GDPD5: variants seen among roughly 807,000 people sequenced by gnomAD.
GDPD5 encodes glycerophosphodiester phosphodiesterase domain containing 5.
GDPD5 carries 48 observed loss-of-function variants against 75.1 expected under a neutral mutation model. The ratio of observed to expected loss-of-function variants is 0.64; its 90% CI spans 0.51 to 0.81. GDPD5 has a LOEUF of 0.81. GDPD5 is among the 40% of genes least tolerant of loss of function. The probability of loss-of-function intolerance (pLI) is 0.00; values close to 1 mark genes in which losing one functional copy is unlikely to be tolerated. For synonymous variants in GDPD5, 336 were observed against 339.0 expected (o/e 0.99, Z 0.10); for missense variants, 706 against 822.6 (o/e 0.86, Z 1.73).
At chr11:75,439,124 G>A (rs1454160128) in intron 15 of GDPD5, among the ~76,000 whole-genome samples, 2 of 152,212 alleles carry the variant, frequency 1.3e-5, no homozygotes, top group African/African-American at 2.4e-5. Flanking sequence ...AGAAACGGCC[G>A]TGGGAACAGG....
chr11:75,524,736 T>C (rs1237214511), intron 1 of GDPD5, among the ~76,000 whole-genome samples: 4 of 152,186 alleles, frequency 2.6e-5, no homozygotes, highest in Non-Finnish European at 5.9e-5. Context: ...GCTTTGGAAC[T>C]GGGAAGCTTC....
chr11:75,469,500 C>G (rs1949608793), intron 3 of GDPD5, among the ~76,000 whole-genome samples: 1 of 152,228 alleles, frequency 6.6e-6, no homozygotes, highest in African/African-American at 2.4e-5. Flanking sequence ...GTGTCCCCAG[C>G]TGTCTCGGGG....
At chr11:75,513,429 G>T (rs778164547) in intron 1 of GDPD5, among the ~76,000 whole-genome samples, 2 of 152,000 alleles carry the variant, frequency 1.3e-5, no homozygotes, top group Non-Finnish European at 2.9e-5. Context: ...GAGCCGGTGG[G>T]AGTCAGGGTG....
intron 6 of GDPD5, chr11:75,455,097 C>T (rs1296283951): frequency 1.3e-5 from 4 of 313,004 alleles, no homozygotes; most frequent in East Asian, 1.6e-4. Flanking sequence ...TGGGAGCTGG[C>T]ACCAGCATGG....
intron 6 of GDPD5, among the ~76,000 whole-genome samples, chr11:75,452,550 C>T (rs1949188743): frequency 6.6e-6 from 1 of 152,176 alleles, no homozygotes; most frequent in Non-Finnish European, 1.5e-5. Flanking sequence ...GTGGTCAGCA[C>T]CCAATAAAGG....
rs77111590 is a variant in GDPD5, at chr11:75,466,243, C to A, written c.118-3354G>T. 3.8e-3 allele frequency among the ~76,000 whole-genome samples: 579 copies of A among 152,206 alleles called. 3 individuals carry two copies. The highest frequency in any genetic ancestry group is 0.013 in the African/African-American group (556 of 41,520). On this transcript the variant is annotated intron_variant, in intron 3 of 16. Coordinates refer to ENST00000336898, the MANE Select transcript of GDPD5 (RefSeq NM_030792.8). ...GGATTAAAGCCCTGGGAGCTGAAGC[C>A]GGAGGCCACAGTGAGCCTGTAGATG...
intron 10 of GDPD5, among the ~76,000 whole-genome samples, chr11:75,443,606 G>A (rs1307589138): frequency 6.6e-6 from 1 of 152,216 alleles, no homozygotes; most frequent in Non-Finnish European, 1.5e-5. Flanking sequence ...TGGAGAAACT[G>A]AGGCTGAGAG....
intron 6 of GDPD5, 64 bp from the exon 7 acceptor site, chr11:75,450,047 A>C: frequency 7.4e-7 from 1 of 1,356,684 alleles, no homozygotes; most frequent in Non-Finnish European, 1.0e-6. Flanking sequence ...AGTGTGTCTG[A>C]GAGAGGAGCC....
At chr11:75,441,569 T>TGTGTG in intron 13 of GDPD5, 77 bp downstream of exon 13, 3 of 1,190,018 alleles carry the variant, frequency 2.5e-6, no homozygotes, top group Admixed American at 2.2e-5. Flanking sequence ...TGTGTGTGTG[T>TGTGTG]TGGGGGGTGG....
At chr11:75,462,366 C>G (rs1021565345) in intron 4 of GDPD5, among the ~76,000 whole-genome samples, 1 of 152,146 alleles carries the variant, frequency 6.6e-6, no homozygotes. Context: ...AATGCAAGCA[C>G]CAAGGGGTCT....
chr11:75,499,306 T>C lies in GDPD5; in HGVS notation c.-144-8986A>G, dbSNP rs145269162. 3.9e-3 allele frequency among the ~76,000 whole-genome samples: 590 copies of C among 152,086 alleles called. 1 individual carries two copies. Among genetic ancestry groups the C allele is most frequent in the African/African-American group, 0.013 (534 of 41,484 alleles). ...ACCCCTTTGTCCACAGCCATCATCATCTGAGCTGGTTTATACCCCCAAATG... is the reference window on the plus strand; with the variant it reads ...ACCCCTTTGTCCACAGCCATCATCACCTGAGCTGGTTTATACCCCCAAATG... On this transcript the variant is annotated intron_variant, in intron 1 of 16. Transcript: ENST00000336898.
intron 1 of GDPD5, among the ~76,000 whole-genome samples, chr11:75,519,020 T>G (rs555107215): frequency 8.3e-4 from 126 of 152,200 alleles, no homozygotes; most frequent in African/African-American, 2.7e-3. Context: ...TGCAGGAGAT[T>G]TGGTCACAAG....
chr11:75,448,828 C>G, intron 9 of GDPD5, 149 bp downstream of exon 9: 3 of 1,165,034 alleles, frequency 2.6e-6, no homozygotes, highest in Non-Finnish European at 3.4e-6. Context: ...CATCCCAGCA[C>G]TCCCGGCCTT....
Position 75,449,042 on chromosome 11 carries a change from A to G in GDPD5, c.649T>C (p.Cys217Arg). The change falls in exon 9 of 17, where the codon TGC (cysteine) becomes CGC (arginine). Residue 217 changes from cysteine (C) to arginine (R), a missense_variant. Physicochemically the swap from Cys to Arg is radical, Grantham distance 180. Transcript: ENST00000336898. The part of the protein sequence containing the change: ...YLAPLTISSP[C>R]IMEKKDLGPK... ...CCGAGGTCTTTCTTCTCCATGATGC[A>G]GGGAGAGGAGATGGTGAGAGGGGCC... 2 of 1,607,614 alleles carry G rather than the reference A, an allele frequency of 1.2e-6. No individual in the cohort carries two copies. The highest frequency in any genetic ancestry group is 2.2e-5 in the East Asian group (1 of 44,650).
At chr11:75,483,823 G>A (rs953035166) in intron 2 of GDPD5, among the ~76,000 whole-genome samples, 3 of 152,222 alleles carry the variant, frequency 2.0e-5, no homozygotes, top group Non-Finnish European at 4.4e-5. Context: ...GTGAATGCCA[G>A]GGGCTGGGAG....
chr11:75,438,194 C>G (rs1049049464), intron 15 of GDPD5: 1 of 152,246 alleles, frequency 6.6e-6, no homozygotes, highest in Non-Finnish European at 1.5e-5. Flanking sequence ...GAGCAAATCT[C>G]TCTCTGTTCA....
At chr11:75,477,834 G>T (rs1949813213) in intron 2 of GDPD5, 39 bp from the exon 3 acceptor site, 5 of 767,608 alleles carry the variant, frequency 6.5e-6, no homozygotes, top group Middle Eastern at 4.1e-4. Flanking sequence ...CAGGGGAAGG[G>T]TGAGGAGTCA....
chr11:75,504,715 A>C (rs1275618203), intron 1 of GDPD5, among the ~76,000 whole-genome samples: 1 of 152,204 alleles, frequency 6.6e-6, no homozygotes, highest in Non-Finnish European at 1.5e-5. Context: ...TGCAAGATGA[A>C]AAAGCTCTGG....
rs187561027 is a variant in GDPD5, at chr11:75,464,538, A to G, written c.118-1649T>C. The stretch of plus-strand genomic sequence containing the variant: ...GTGACCCTCCTGTCCCAGGTGGGTC[A>G]CTTCAGTTGGGCGACTCATGTTTGG... On this transcript the variant is annotated intron_variant, in intron 3 of 16. Transcript: ENST00000336898. Among the ~76,000 whole-genome samples the G allele has an allele frequency of 2.0e-5, 3 of 152,276 alleles. No homozygotes were observed. The East Asian group carries it at 5.8e-4, about 29-fold the overall frequency.
Sources: gnomAD v4.1 joint callset for allele counts (sites outside exome capture counted in the v4.1 genomes callset) on GRCh38, gnomAD v4.1.1 for gene constraint, MANE v1.5 for transcripts, NCBI Gene and HGNC (gene_info 2026-07-23, HGNC 2026-07-21) for gene names.